The following YLPM1 variants were observed in gnomAD, a reference collection of about 807,000 sequenced individuals.
The protein encoded by YLPM1 is YLP motif containing 1.
In YLPM1, 99 loss-of-function variants were observed where a neutral mutation model predicts 230.0. That is an observed-to-expected ratio of 0.43 (90% CI 0.37 to 0.51). The LOEUF (loss-of-function observed/expected upper bound fraction) is 0.51. Ranked by LOEUF, YLPM1 falls within the 20% of genes least tolerant of loss-of-function variation. The probability of loss-of-function intolerance (pLI) is 0.00; values close to 1 mark genes in which losing one functional copy is unlikely to be tolerated. For synonymous variants in YLPM1, 984 were observed against 942.5 expected, an observed-to-expected ratio of 1.04 and a Z score of -0.81; for missense variants, 2,592 against 2,707.7, an observed-to-expected ratio of 0.96 and a Z score of 0.95.
intron 4 of YLPM1, among the ~76,000 whole-genome samples, chr14:74,786,585 G>T (rs1315459044): frequency 6.6e-6 from 1 of 152,052 alleles, no homozygotes; most frequent in African/African-American, 2.4e-5. Flanking sequence ...ACTTGACATT[G>T]TATTATTGTG....
intron 1 of YLPM1, among the ~76,000 whole-genome samples, chr14:74,773,346 T>C (rs2090998440): frequency 6.6e-6 from 1 of 151,234 alleles, no homozygotes; most frequent in African/African-American, 2.5e-5. Flanking sequence ...CAACAAGTAC[T>C]TCAGCCCTTA....
In YLPM1 at chr14:74,764,342, C is replaced by T. The variant is rs1355675018; in HGVS notation, c.853C>T (p.Pro285Ser). The change falls in exon 1 of 21, where the codon CCC (proline) becomes TCC (serine). Residue 285 changes from proline (P) to serine (S), a missense_variant. Pro to Ser is a moderately conservative substitution (Grantham distance 74). This residue lies in a region of YLPM1 where 1,862 missense variants were observed against 1,819.8 expected (regional missense o/e 1.02). Coordinates refer to ENST00000325680, the MANE Select transcript of YLPM1 (RefSeq NM_019589.3). ...GCAGCAAGCCGCCCCTGAGCCAGAT[C>T]CCTCTACGATGACTCCACAGGTAAG... ...EQQQAAPEPDPSTMTPQEQQQ... is the reference protein window; with the variant it reads ...EQQQAAPEPDSSTMTPQEQQQ... 6.2e-7 allele frequency: 1 copy of T among 1,611,048 alleles called. No homozygotes were observed. Among genetic ancestry groups the T allele is most frequent in the Non-Finnish European group, 8.5e-7 (1 of 1,178,382 alleles).
intron 19 of YLPM1, among the ~76,000 whole-genome samples, chr14:74,830,642 G>A (rs545022195): frequency 6.6e-6 from 1 of 152,308 alleles, no homozygotes; most frequent in African/African-American, 2.4e-5. Context: ...TCACTGTCCT[G>A]CAGGCTGTAC....
intron 4 of YLPM1, among the ~76,000 whole-genome samples, chr14:74,789,372 A>G (rs182418521): frequency 6.6e-6 from 1 of 152,220 alleles, no homozygotes; most frequent in East Asian, 1.9e-4. Flanking sequence ...GTGCACCACC[A>G]TGCCCGGCTA....
intron 7 of YLPM1, 46 bp downstream of exon 7, chr14:74,809,843 T>C: frequency 6.2e-7 from 1 of 1,609,480 alleles, no homozygotes; most frequent in South Asian, 1.1e-5. Context: ...ACAGGAATTG[T>C]TAGCTTCAGC....
chr14:74,831,295 A>G (rs532492285), intron 19 of YLPM1, among the ~76,000 whole-genome samples: 8 of 152,280 alleles, frequency 5.3e-5, no homozygotes, highest in African/African-American at 1.9e-4. Flanking sequence ...AATACTGCAG[A>G]TACTCCAAAG....
chr14:74,808,822 A>G (rs79474051), intron 6 of YLPM1, among the ~76,000 whole-genome samples: 1 of 144,644 alleles, frequency 6.9e-6, no homozygotes, highest in Non-Finnish European at 1.5e-5. Context: ...AAAAAAAAAA[A>G]TTGTGTTTGA....
At chr14:74,803,254 A>G (rs1053142955) in intron 6 of YLPM1, among the ~76,000 whole-genome samples, 1 of 152,202 alleles carries the variant, frequency 6.6e-6, no homozygotes, top group Admixed American at 6.5e-5. Context: ...AGGGGTGTTT[A>G]TGTTAAAGAC....
chr14:74,792,251 C>T (rs1330556997), intron 4 of YLPM1, among the ~76,000 whole-genome samples: 2 of 152,184 alleles, frequency 1.3e-5, no homozygotes, highest in Admixed American at 6.5e-5. Flanking sequence ...TTCACTACTT[C>T]GCATAGACCA....
Position 74,782,133 on chromosome 14 carries a change from A to C in YLPM1, c.2090A>C (p.Gln697Pro). The C allele has an allele frequency of 6.2e-7, 1 of 1,613,616 alleles. No homozygotes were observed. Among genetic ancestry groups the C allele is most frequent in the Non-Finnish European group, 8.5e-7 (1 of 1,179,810 alleles). Residue 697 changes from glutamine (Q) to proline (P), a missense_variant, in exon 4 of 21, where the codon CAA (glutamine) becomes CCA (proline). Coordinates refer to ENST00000325680, the MANE Select transcript of YLPM1 (RefSeq NM_019589.3). ...PPLQSAGPSE[Q>P]VNSKAPLSKS... ...TTGCAATCAGCTGGTCCATCAGAACAAGTGAATTCAAAAGCTCCTTTGAGC... is the reference window on the plus strand; with the variant it reads ...TTGCAATCAGCTGGTCCATCAGAACCAGTGAATTCAAAAGCTCCTTTGAGC...
At chr14:74,817,159 A>T in intron 14 of YLPM1, 35 bp from the exon 15 acceptor site, 1 of 1,595,142 alleles carries the variant, frequency 6.3e-7, no homozygotes, top group Non-Finnish European at 8.5e-7. Context: ...TAAATGTTAT[A>T]TATCTTTGCC....
intron 1 of YLPM1, among the ~76,000 whole-genome samples, chr14:74,775,967 C>T (rs1349763632): frequency 6.6e-6 from 1 of 152,186 alleles, no homozygotes; most frequent in Admixed American, 6.5e-5. Context: ...TGAAATACTA[C>T]ATCCATACAA....
At chr14:74,801,793 A>T (rs1594828956) in intron 5 of YLPM1, among the ~76,000 whole-genome samples, 1 of 152,322 alleles carries the variant, frequency 6.6e-6, no homozygotes, top group East Asian at 1.9e-4. Flanking sequence ...TTATATATGA[A>T]ATATTTTGCT....
chr14:74,810,084 G>T, intron 8 of YLPM1, 82 bp downstream of exon 8: 1 of 1,475,048 alleles, frequency 6.8e-7, no homozygotes, highest in Non-Finnish European at 9.1e-7. Context: ...GAGATTATCT[G>T]AGCCTCCATT....
rs1465970718 is a variant in YLPM1 at position 74,781,753 on chromosome 14, A to C, written c.1710A>C (p.Pro570=). The change falls in exon 4 of 21, where the codon CCA becomes CCC. Residue 570 remains proline, a synonymous_variant. Coordinates refer to ENST00000325680, the MANE Select transcript of YLPM1 (RefSeq NM_019589.3). ...MPPPVMPPSL[P]TSVPPPGMPP... is the part of the protein sequence containing the mutation. ...CACCTGTTATGCCACCTTCTCTACC[A>C]ACCTCTGTTCCCCCACCAGGGATGC... The C allele has an allele frequency of 6.3e-7, 1 of 1,596,774 alleles. No individual in the cohort carries two copies.
Position 74,768,953 on chromosome 14 carries a change from A to G in YLPM1, c.873+4591A>G, listed in dbSNP as rs929236959. ...CAGTACCTTGCATAGGATCTAGCGC[A>G]TAGGAGGTGGAGAACAAATATATTT... is the stretch of plus-strand genomic sequence containing the variant. On this transcript the variant is annotated intron_variant, in intron 1 of 20. Coordinates refer to ENST00000325680, the MANE Select transcript of YLPM1 (RefSeq NM_019589.3). Among the ~76,000 whole-genome samples the G allele has an allele frequency of 5.3e-5, 8 of 152,202 alleles. No homozygotes were observed. In the Middle Eastern group the frequency reaches 0.014, roughly 259 times the overall value.
intron 1 of YLPM1, among the ~76,000 whole-genome samples, chr14:74,769,259 C>CTTTTTTTTTTTTTTTTTT (rs34023289): frequency 2.6e-5 from 1 of 38,400 alleles, no homozygotes; most frequent in African/African-American, 7.4e-5. Context: ...GTATTTTTAT[C>CTTTTTTTTTTTTTTTTTT]TTTTTTTTTT....
intron 2 of YLPM1, among the ~76,000 whole-genome samples, chr14:74,779,969 A>G (rs2091077409): frequency 6.6e-6 from 1 of 151,858 alleles, no homozygotes; most frequent in African/African-American, 2.4e-5. Flanking sequence ...ATGCCTGGCT[A>G]ATTTTTGTAT....
chr14:74,764,388 A>G lies in YLPM1; in HGVS notation c.873+26A>G, dbSNP rs201658302. On this transcript the variant is annotated intron_variant, in intron 1 of 20. Transcript: ENST00000325680. Reference sequence around the variant, plus strand: ...GTAAGAAAGCATCTGCCTGAACCTCATCTTTCACCTAGAGGGCCCTGAATG... The same window carrying G: ...GTAAGAAAGCATCTGCCTGAACCTCGTCTTTCACCTAGAGGGCCCTGAATG... 270 of 1,567,258 alleles carry G rather than the reference A, an allele frequency of 1.7e-4. 1 individual carries two copies. In the Middle Eastern group the frequency reaches 2.2e-3, roughly 13 times the overall value.
Sources: gnomAD v4.1 joint callset for allele counts (sites outside exome capture counted in the v4.1 genomes callset) on GRCh38, gnomAD v4.1.1 for gene constraint, gnomAD v4.1.1 regional missense constraint, MANE v1.5 for transcripts, NCBI Gene and HGNC (gene_info 2026-07-23, HGNC 2026-07-21) for gene names.